RAPGEF2: variants seen among roughly 807,000 people sequenced by gnomAD.
RAPGEF2 encodes the protein Rap guanine nucleotide exchange factor 2, also known as PDZ domain containing guanine nucleotide exchange factor (GEF) 1.
A neutral mutation model predicts 186.7 loss-of-function variants in RAPGEF2; 54 were observed. The observed-to-expected ratio is 0.29, with a 90% confidence interval of 0.23 to 0.36. The LOEUF is 0.36. Among genes scored for constraint, RAPGEF2 ranks in the 10% least tolerant of loss-of-function variants. The pLI, the probability that RAPGEF2 is intolerant of heterozygous loss-of-function variation, is 1.00. For missense variants in RAPGEF2, 1,532 were observed against 2,045.0 expected (o/e 0.75, Z 4.84); for synonymous variants, 712 against 705.9 (o/e 1.01, Z -0.14).
Position 159,343,195 on chromosome 4 carries a change from A to C in RAPGEF2, c.3130+5A>C. On this transcript the variant is annotated splice_donor_5th_base_variant and intron_variant, in intron 21 of 29. Coordinates refer to ENST00000691494, the MANE Select transcript of RAPGEF2 (RefSeq NM_001394067.2). The stretch of plus-strand genomic sequence containing the variant: ...ATCTCACCTTCCTTCACGAAGGTAA[A>C]CATAAGGCAGAGGGTTTCCATCTTT... 1 of 1,614,042 alleles carries C rather than the reference A, an allele frequency of 6.2e-7. No homozygotes were observed. Among genetic ancestry groups the C allele is most frequent in the Non-Finnish European group, 8.5e-7 (1 of 1,179,868 alleles).
At chr4:159,270,382 G>T (rs1458412769) in intron 7 of RAPGEF2, among the ~76,000 whole-genome samples, 1 of 152,258 alleles carries the variant, frequency 6.6e-6, no homozygotes, top group East Asian at 1.9e-4. Flanking sequence ...ATCCTATGAG[G>T]CTTTATAGTG....
At chr4:159,185,427 A>G (rs974126889) in intron 1 of RAPGEF2, among the ~76,000 whole-genome samples, 2 of 152,248 alleles carry the variant, frequency 1.3e-5, no homozygotes, top group East Asian at 1.9e-4. Context: ...ATGTCCATCA[A>G]TTGATAAATG....
At chr4:159,356,224 G>A in intron 29 of RAPGEF2, 66 bp downstream of exon 29, 1 of 1,478,820 alleles carries the variant, frequency 6.8e-7, no homozygotes, top group Non-Finnish European at 9.2e-7. Flanking sequence ...GCTTCCCAAG[G>A]CATTTCTGTT....
intron 4 of RAPGEF2, among the ~76,000 whole-genome samples, chr4:159,227,114 G>A (rs1328765796): frequency 1.3e-5 from 2 of 152,196 alleles, no homozygotes; most frequent in Non-Finnish European, 2.9e-5. Flanking sequence ...GGGCAGGTTA[G>A]TGGCTAGGTT....
At chr4:159,245,966 C>A (rs1432861560) in intron 7 of RAPGEF2, among the ~76,000 whole-genome samples, 1 of 152,146 alleles carries the variant, frequency 6.6e-6, no homozygotes, top group Non-Finnish European at 1.5e-5. Flanking sequence ...GTTGACCCCA[C>A]ACCCCCACTC....
intron 4 of RAPGEF2, among the ~76,000 whole-genome samples, chr4:159,224,526 T>C (rs1020384555): frequency 6.6e-6 from 1 of 152,122 alleles, no homozygotes; most frequent in African/African-American, 2.4e-5. Flanking sequence ...ACCAGGCAGT[T>C]ATTAGATTTG....
chr4:159,333,861 G>T (rs1477969287), intron 17 of RAPGEF2, among the ~76,000 whole-genome samples: 2 of 152,180 alleles, frequency 1.3e-5, no homozygotes, highest in African/African-American at 4.8e-5. Context: ...TAGATATGCA[G>T]GACTATATCA....
At chr4:159,137,934 T>C (rs902878181) in intron 1 of RAPGEF2, among the ~76,000 whole-genome samples, 21 of 152,236 alleles carry the variant, frequency 1.4e-4, no homozygotes, top group African/African-American at 4.3e-4. Context: ...TCAACTAATG[T>C]GCTAGCTAGG....
intron 1 of RAPGEF2, among the ~76,000 whole-genome samples, chr4:159,122,951 T>C (rs1342093018): frequency 2.0e-5 from 3 of 152,204 alleles, no homozygotes; most frequent in Admixed American, 6.5e-5. Flanking sequence ...AGGCAGTTCA[T>C]CTAGCAAAGG....
At chr4:159,240,462 T>C (rs1239081780) in intron 5 of RAPGEF2, among the ~76,000 whole-genome samples, 1 of 147,426 alleles carries the variant, frequency 6.8e-6, no homozygotes, top group Non-Finnish European at 1.5e-5. Context: ...GCCTCCCGGG[T>C]AGCTGGGATT....
intron 1 of RAPGEF2, among the ~76,000 whole-genome samples, chr4:159,122,693 G>T (rs75690586): frequency 1.3e-5 from 2 of 152,230 alleles, no homozygotes; most frequent in African/African-American, 4.8e-5. Context: ...CTCTCAATGA[G>T]GAGTTTGTCC....
intron 9 of RAPGEF2, among the ~76,000 whole-genome samples, chr4:159,315,852 C>T (rs1026255311): frequency 1.3e-5 from 2 of 152,154 alleles, no homozygotes; most frequent in South Asian, 2.1e-4. Flanking sequence ...AACATGAAGA[C>T]GGACTAGGAG....
chr4:159,316,927 G>C (rs917069691), intron 9 of RAPGEF2, among the ~76,000 whole-genome samples: 1 of 152,284 alleles, frequency 6.6e-6, no homozygotes, highest in East Asian at 1.9e-4. Context: ...AGCAACTTCC[G>C]TTGAGAGTCA....
chr4:159,132,225 G>A (rs1352083296), intron 1 of RAPGEF2, among the ~76,000 whole-genome samples: 2 of 152,182 alleles, frequency 1.3e-5, no homozygotes, highest in African/African-American at 4.8e-5. Flanking sequence ...AGGTTATCTA[G>A]CTCTAACACC....
intron 1 of RAPGEF2, among the ~76,000 whole-genome samples, chr4:159,173,592 A>G (rs1012867376): frequency 3.9e-5 from 6 of 152,160 alleles, no homozygotes; most frequent in African/African-American, 1.2e-4. Flanking sequence ...AATGAATTGA[A>G]CACCAAGCTG....
chr4:159,304,910 G>C (rs759333207), intron 8 of RAPGEF2, among the ~76,000 whole-genome samples: 7 of 152,056 alleles, frequency 4.6e-5, no homozygotes, highest in South Asian at 2.1e-4. Flanking sequence ...ACATTATTTA[G>C]CTCCCACTTG....
intron 9 of RAPGEF2, among the ~76,000 whole-genome samples, chr4:159,315,309 T>A (rs192755378): frequency 0.012 from 1,831 of 152,038 alleles, 24 homozygotes; most frequent in Non-Finnish European, 0.019. Flanking sequence ...TTTTTTTTTT[T>A]TAATTTTTAT....
At chr4:159,240,229 G>A (rs1753797448) in intron 5 of RAPGEF2, among the ~76,000 whole-genome samples, 2 of 151,572 alleles carry the variant, frequency 1.3e-5, no homozygotes, top group African/African-American at 2.4e-5. Flanking sequence ...GTTTGCTGGT[G>A]TGAGAACAGT....
intron 3 of RAPGEF2, among the ~76,000 whole-genome samples, chr4:159,206,222 G>A (rs1042625052): frequency 2.6e-5 from 4 of 152,208 alleles, no homozygotes; most frequent in East Asian, 1.9e-4. Context: ...GAGCCACCGC[G>A]CCCAGCCGCG....
Sources: gnomAD v4.1 joint callset for allele counts (sites outside exome capture counted in the v4.1 genomes callset) on GRCh38, gnomAD v4.1.1 for gene constraint, MANE v1.5 for transcripts, NCBI Gene and HGNC (gene_info 2026-07-23, HGNC 2026-07-21) for gene names.